The following ADAM18 variants were observed in gnomAD, a reference collection of about 807,000 sequenced individuals.
ADAM18 encodes ADAM metallopeptidase domain 18, also known as disintegrin and metalloproteinase domain-containing protein 18.
In ADAM18, 117 loss-of-function variants were observed where a neutral mutation model predicts 94.4. That is an observed-to-expected ratio of 1.24 (90% CI 1.07 to 1.45). The LOEUF (loss-of-function observed/expected upper bound fraction) is 1.45, where lower values mean the gene tolerates loss of function less well. ADAM18 is among the 40% of genes most tolerant of loss of function. The pLI is 0.00. For missense variants in ADAM18, 936 were observed against 880.0 expected (o/e 1.06, Z -0.81); for synonymous variants, 327 against 291.6 (o/e 1.12, Z -1.24).
intron 18 of ADAM18, among the ~76,000 whole-genome samples, chr8:39,707,412 G>A (rs1195766001): frequency 6.6e-6 from 1 of 152,168 alleles, no homozygotes; most frequent in African/African-American, 2.4e-5. Flanking sequence ...GTCTTCTGGT[G>A]CAACACGTTG....
At chr8:39,593,049 A>G (rs115165971) in intron 2 of ADAM18, among the ~76,000 whole-genome samples, 1,812 of 152,248 alleles carry the variant, frequency 0.012, 44 homozygotes, top group African/African-American at 0.042. Context: ...CATTTTTGTT[A>G]TGGAGATATC....
intron 12 of ADAM18, among the ~76,000 whole-genome samples, chr8:39,661,152 TTC>T (rs1238837277): frequency 4.1e-5 from 5 of 123,282 alleles, no homozygotes; most frequent in South Asian, 3.1e-4. Flanking sequence ...TTTCTTCTTC[TTC>T]TTTTTTTTTT....
intron 12 of ADAM18, among the ~76,000 whole-genome samples, chr8:39,659,517 T>C (rs1820774811): frequency 6.6e-6 from 1 of 152,100 alleles, no homozygotes; most frequent in African/African-American, 2.4e-5. Flanking sequence ...GATAGTGAAC[T>C]TAATATAATC....
Position 39,638,563 on chromosome 8 carries a change from C to A in ADAM18, c.909+17C>A, listed in dbSNP as rs545784527. The A allele has an allele frequency of 2.8e-6, 4 of 1,453,958 alleles. No homozygotes were observed. The highest frequency in any genetic ancestry group is 3.7e-6 in the Non-Finnish European group (4 of 1,073,836). 90.1% of individuals were successfully genotyped at this position (1,453,958 alleles called of 1,614,324 possible). ...ATTGCTATGGTATGTAATTTTTATTCTTCTTTACATCACTATTTTTAGGCC... is the reference window on the plus strand; with the variant it reads ...ATTGCTATGGTATGTAATTTTTATTATTCTTTACATCACTATTTTTAGGCC... On this transcript the variant is annotated intron_variant, in intron 10 of 19. Transcript: ENST00000265707.
At chr8:39,679,103 T>A (rs1299807173) in intron 15 of ADAM18, among the ~76,000 whole-genome samples, 2 of 152,066 alleles carry the variant, frequency 1.3e-5, no homozygotes, top group Non-Finnish European at 2.9e-5. Context: ...AAAAGTGAAA[T>A]GTAATTTAGG....
At chr8:39,677,663 A>C in intron 15 of ADAM18, 127 bp downstream of exon 15, 1 of 624,288 alleles carries the variant, frequency 1.6e-6, no homozygotes, top group Non-Finnish European at 2.6e-6. Flanking sequence ...CAATGCATAT[A>C]TTTTTTCTAT....
intron 7 of ADAM18, among the ~76,000 whole-genome samples, chr8:39,636,162 G>GAAGTCC (rs1667368084): frequency 2.0e-5 from 3 of 152,028 alleles, no homozygotes; most frequent in East Asian, 1.9e-4. Flanking sequence ...GGGACTACAG[G>GAAGTCC]CATGCACCAC....
intron 17 of ADAM18, among the ~76,000 whole-genome samples, chr8:39,701,663 C>T (rs1253225169): frequency 2.0e-5 from 3 of 152,116 alleles, no homozygotes; most frequent in Admixed American, 1.3e-4. Flanking sequence ...AGGTGGGCCC[C>T]ACTGTGTGTT....
At chr8:39,585,705 T>C (rs1818376321) in intron 2 of ADAM18, among the ~76,000 whole-genome samples, 1 of 152,206 alleles carries the variant, frequency 6.6e-6, no homozygotes, top group African/African-American at 2.4e-5. Context: ...AAATTTGTCA[T>C]AAGTAAAATT....
chr8:39,717,216 A>T (rs1822602900), intron 18 of ADAM18, among the ~76,000 whole-genome samples: 2 of 151,816 alleles, frequency 1.3e-5, no homozygotes, highest in African/African-American at 4.8e-5. Context: ...ACATAAAAAA[A>T]CTACACATTT....
intron 17 of ADAM18, among the ~76,000 whole-genome samples, chr8:39,694,160 T>C (rs557264797): frequency 6.6e-6 from 1 of 151,514 alleles, no homozygotes; most frequent in South Asian, 2.1e-4. Flanking sequence ...TGGTAGATAT[T>C]CTTGCCTTGT....
intron 17 of ADAM18, among the ~76,000 whole-genome samples, chr8:39,701,546 A>G (rs1214223217): frequency 6.6e-6 from 1 of 152,108 alleles, no homozygotes; most frequent in East Asian, 1.9e-4. Context: ...ATAGGTGAAC[A>G]TGTGTCATGG....
chr8:39,593,845 A>G (rs1818654170), intron 2 of ADAM18, among the ~76,000 whole-genome samples: 1 of 152,084 alleles, frequency 6.6e-6, no homozygotes, highest in South Asian at 2.1e-4. Flanking sequence ...CCTTTGATTT[A>G]TGTTTACATG....
At chr8:39,607,826 C>A (rs1456984195) in intron 3 of ADAM18, among the ~76,000 whole-genome samples, 1 of 148,946 alleles carries the variant, frequency 6.7e-6, no homozygotes, top group Non-Finnish European at 1.5e-5. Flanking sequence ...TTTTTTTTTC[C>A]CCCTAGCTAT....
chr8:39,609,327 G>A (rs2129578443), intron 4 of ADAM18, among the ~76,000 whole-genome samples, 158 bp from the exon 5 acceptor site: 1 of 152,128 alleles, frequency 6.6e-6, no homozygotes, highest in South Asian at 2.1e-4. Flanking sequence ...GCAAAATAAA[G>A]AGAATTGTCA....
At chr8:39,609,661 A>G (rs1486191063) in intron 5 of ADAM18, 100 bp downstream of exon 5, 5 of 777,456 alleles carry the variant, frequency 6.4e-6, no homozygotes, top group African/African-American at 5.2e-5. Flanking sequence ...AGTTTAAGGG[A>G]AATCAAAATG....
intron 10 of ADAM18, among the ~76,000 whole-genome samples, chr8:39,640,162 C>T (rs1820196108): frequency 6.6e-6 from 1 of 152,004 alleles, no homozygotes. Context: ...GCTATTCTTC[C>T]TGATCCTCTC....
chr8:39,628,032 G>A (rs1819821957), intron 6 of ADAM18, among the ~76,000 whole-genome samples: 1 of 152,036 alleles, frequency 6.6e-6, no homozygotes, highest in Non-Finnish European at 1.5e-5. Flanking sequence ...AGAGACTAAA[G>A]ATGAATGTCA....
At chr8:39,635,938 T>G (rs1468247323) in intron 7 of ADAM18, among the ~76,000 whole-genome samples, 4 of 152,122 alleles carry the variant, frequency 2.6e-5, no homozygotes, top group Non-Finnish European at 5.9e-5. Context: ...ACATTCTGAA[T>G]GATTTTTGTA....
Sources: gnomAD v4.1 joint callset for allele counts (sites outside exome capture counted in the v4.1 genomes callset) on GRCh38, gnomAD v4.1.1 for gene constraint, MANE v1.5 for transcripts, NCBI Gene and HGNC (gene_info 2026-07-23, HGNC 2026-07-21) for gene names.